The following POMT1 variants were observed in gnomAD, a reference collection of about 807,000 sequenced individuals.
POMT1 encodes protein O-mannosyl-transferase 1.
Under a neutral mutation model 101.6 loss-of-function variants are expected in POMT1, and 85 were observed. The observed-to-expected ratio is 0.84, with a 90% CI of 0.70 to 1.00. The LOEUF (loss-of-function observed/expected upper bound fraction) is 1.00, where lower values mean the gene tolerates loss of function less well. Among genes scored for constraint, POMT1 ranks in the 50% least tolerant of loss-of-function variants. The pLI is 0.00. For missense variants in POMT1, 857 were observed against 930.4 expected, an observed-to-expected ratio of 0.92 and a Z score of 1.03; for synonymous variants, 371 against 383.0, an observed-to-expected ratio of 0.97 and a Z score of 0.37.
rs375553161 is a variant in POMT1, at chr9:131,519,526, C to T, written c.1584+40C>T. 6.9e-5 allele frequency: 106 copies of T among 1,532,182 alleles called. No homozygotes were observed. The highest frequency in any genetic ancestry group is 8.7e-5 in the Non-Finnish European group (99 of 1,135,074). 94.9% of individuals were successfully genotyped at this position (1,532,182 alleles called of 1,614,324 possible). The stretch of plus-strand genomic sequence containing the variant: ...GGGGAAGCTGGCCTAGCTCGCTGAG[C>T]ATTGACTCCTCAGCAGGGAGGCCTG... On this transcript the variant is annotated intron_variant, in intron 16 of 19. Transcript: ENST00000402686. This position sits in a 1 kb window ranked among gnomAD's most constrained non-coding sequence, Gnocchi z 4.3.
chr9:131,513,178 T>C (rs1450080890), intron 11 of POMT1, 61 bp from the exon 12 acceptor site: 1 of 1,403,600 alleles, frequency 7.1e-7, no homozygotes, highest in Non-Finnish European at 1.0e-6. Flanking sequence ...GCCCCTCCGG[T>C]GCAGCTGTTA....
At chr9:131,513,200 C>A in intron 11 of POMT1, 39 bp from the exon 12 acceptor site, 7 of 1,568,530 alleles carry the variant, frequency 4.5e-6, no homozygotes, top group Non-Finnish European at 6.1e-6. Flanking sequence ...TTCGAGGGGA[C>A]CAGGCTCTGT....
Position 131,523,339 on chromosome 9 carries a change from G to A in POMT1, c.*233G>A. 1.8e-6 allele frequency: 1 copy of A among 558,998 alleles called. No individual in the cohort carries two copies. 34.6% of individuals were successfully genotyped at this position (558,998 alleles called of 1,614,324 possible). A position where few individuals can be genotyped will look rare whatever the true frequency, so the allele number is the denominator to read the frequency against. On this transcript the variant is annotated 3_prime_UTR_variant, in exon 20 of 20. Transcript: ENST00000402686. ...AAAGATATTCCGTGTCTTTACCCCTGAACTAAGACACAGGGAGTATTTCAG... is the reference window on the plus strand; with the variant it reads ...AAAGATATTCCGTGTCTTTACCCCTAAACTAAGACACAGGGAGTATTTCAG...
intron 4 of POMT1, 156 bp from the exon 5 acceptor site, chr9:131,507,212 T>C: frequency 2.0e-6 from 2 of 1,009,628 alleles, no homozygotes; most frequent in East Asian, 2.4e-5. Context: ...CCTTCACCCA[T>C]AGTTTATGCA....
In POMT1 at chr9:131,519,396, G is replaced by GC; in HGVS notation, c.1495dup (p.Gln499ProfsTer39). On this transcript the variant is annotated frameshift_variant, in exon 16 of 20. Transcript: ENST00000402686. LOFTEE classifies it high-confidence loss of function. This position sits in a 1 kb window ranked among gnomAD's most constrained non-coding sequence, Gnocchi z 4.3. Reference sequence around the variant, plus strand: ...CCTTGTCTGTTCTGCCAGGCCAGGAGCAGAGGGAGCGGGAACGGGAGCTGC... The same window carrying GC: ...CCTTGTCTGTTCTGCCAGGCCAGGAGCCAGAGGGAGCGGGAACGGGAGCTGC... The GC allele has an allele frequency of 6.4e-7, 1 of 1,551,860 alleles. No individual in the cohort carries two copies. The highest frequency in any genetic ancestry group is 1.2e-5 in the South Asian group (1 of 84,068).
intron 9 of POMT1, chr9:131,510,765 C>T (rs1019469102): frequency 1.1e-5 from 4 of 368,042 alleles, no homozygotes; most frequent in African/African-American, 2.1e-5. Context: ...CTCGGCCTCT[C>T]AAAGTGCTGG....
chr9:131,510,021 A>G, intron 8 of POMT1, 25 bp downstream of exon 8: 1 of 1,614,226 alleles, frequency 6.2e-7, no homozygotes, highest in South Asian at 1.1e-5. Context: ...CCAGTGCTGC[A>G]TGAGGCCGGC....
Position 131,504,333 on chromosome 9 carries a change from G to C in POMT1, c.115G>C (p.Ala39Pro), listed in dbSNP as rs1157222477. The stretch of plus-strand genomic sequence containing the variant: ...GCTGTGGCGACTCACCTACCCGCGG[G>C]CTGTGGTGTAAGCTAAATGACTCCA... ...SRLWRLTYPRAVVFDEVYYGQ... is the reference protein window; with the variant it reads ...SRLWRLTYPRPVVFDEVYYGQ... The change falls in exon 2 of 20, where the codon GCT (alanine) becomes CCT (proline). Residue 39 changes from alanine (A) to proline (P), a missense_variant. Transcript: ENST00000402686. 1 of 1,614,204 alleles carries C rather than the reference G, an allele frequency of 6.2e-7. No homozygotes were observed. Among genetic ancestry groups the C allele is most frequent in the African/African-American group, 1.3e-5 (1 of 75,036 alleles).
At chr9:131,510,196 A>G (rs1318233595) in intron 8 of POMT1, 64 bp from the exon 9 acceptor site, 2 of 1,612,184 alleles carry the variant, frequency 1.2e-6, no homozygotes, top group African/African-American at 2.7e-5. Context: ...TAAGCTCACA[A>G]TGTCTAGAGG....
Position 131,521,412 on chromosome 9 carries a change from G to C in POMT1, c.1765G>C (p.Ala589Pro), listed in dbSNP as rs747138675. 4.3e-6 allele frequency: 7 copies of C among 1,614,114 alleles called. No individual in the cohort carries two copies. The highest frequency in any genetic ancestry group is 5.9e-6 in the Non-Finnish European group (7 of 1,180,018). The change falls in exon 18 of 20, where the codon GCC becomes CCC. Residue 589 changes from alanine to proline, a missense_variant. Ala to Pro is a conservative substitution (Grantham distance 27). Transcript: ENST00000402686. Reference protein sequence around the residue: ...VSGSLALAIYALLSLWYLLRR... With the variant: ...VSGSLALAIYPLLSLWYLLRR... Reference sequence around the variant, plus strand: ...GGGCAGCCTCGCTCTGGCCATCTACGCCCTGCTGTCCTTGTGGTACCTGCT... The same window carrying C: ...GGGCAGCCTCGCTCTGGCCATCTACCCCCTGCTGTCCTTGTGGTACCTGCT...
rs974090008 is a variant in POMT1 at position 131,505,726 on chromosome 9, G to A, written c.123-388G>A. On this transcript the variant is annotated intron_variant, in intron 2 of 19. Transcript: ENST00000402686. ...CTTGCAGCCGTTTCATTGGGTCATC[G>A]CTAGCCACAGACATGTGCTGCTGGT... Among the ~76,000 whole-genome samples the A allele has an allele frequency of 7.4e-5, 10 of 135,436 alleles. No individual in the cohort carries two copies. In the South Asian group the frequency reaches 7.5e-4, roughly 10 times the overall value. 88.9% of individuals were successfully genotyped at this position (135,436 alleles called of 152,430 possible). A position where few individuals can be genotyped will look rare whatever the true frequency, so the allele number is the denominator to read the frequency against.
Position 131,522,807 on chromosome 9 carries a change from G to A in POMT1, c.2004-125G>A. 9.3e-7 allele frequency: 1 copy of A among 1,070,410 alleles called. No individual in the cohort carries two copies. The highest frequency in any genetic ancestry group is 1.4e-6 in the Non-Finnish European group (1 of 726,498). The allele number at this position is 1,070,410 out of a possible 1,614,324, so 66.3% of individuals were successfully genotyped here. Reference sequence around the variant, plus strand: ...CATGGGTGGCAGGAGACAAGACACAGAAACCTGAAGGCAGAACCCCAGGCC... The same window carrying A: ...CATGGGTGGCAGGAGACAAGACACAAAAACCTGAAGGCAGAACCCCAGGCC... On this transcript the variant is annotated intron_variant, in intron 19 of 19. Coordinates refer to ENST00000402686, the MANE Select transcript of POMT1 (RefSeq NM_001077365.2). The surrounding 1 kb of genome is among the most constrained non-coding windows in gnomAD (Gnocchi z 5.5).
At chr9:131,518,613 C>T in intron 14 of POMT1, 76 bp downstream of exon 14, 1 of 1,458,714 alleles carries the variant, frequency 6.9e-7, no homozygotes, top group Middle Eastern at 1.7e-4. Flanking sequence ...TCAGGCTTCA[C>T]CGCCTCTCTG....
At chr9:131,507,959 G>A (rs1377256388) in intron 5 of POMT1, among the ~76,000 whole-genome samples, 3 of 152,236 alleles carry the variant, frequency 2.0e-5, no homozygotes, top group African/African-American at 2.4e-5. Context: ...TAGGCTGGGC[G>A]CAGTGGCTCA....
rs1334646753 is a variant in POMT1 at position 131,518,912 on chromosome 9, C to T, written c.1441C>T (p.His481Tyr). ...CGGGGAGAAGCTGTCCCGGGGCTACCACGGGAGCACGGTGTGGAACGTGGA... is the reference window on the plus strand; with the variant it reads ...CGGGGAGAAGCTGTCCCGGGGCTACTACGGGAGCACGGTGTGGAACGTGGA... The part of the protein sequence containing the change: ...IVGEKLSRGY[H>Y]GSTVWNVEEH... Residue 481 changes from histidine (H) to tyrosine (Y), a missense_variant, in exon 15 of 20, where the codon CAC becomes TAC. By Grantham distance (83) the His-to-Tyr change is moderately conservative. Coordinates refer to ENST00000402686, the MANE Select transcript of POMT1 (RefSeq NM_001077365.2). The T allele has an allele frequency of 4.3e-6, 7 of 1,613,678 alleles. No individual in the cohort carries two copies. The highest frequency in any genetic ancestry group is 5.9e-6 in the Non-Finnish European group (7 of 1,180,042).
rs539273169 is a variant in POMT1, at chr9:131,515,720, G to T, written c.1272+198G>T. Among the ~76,000 whole-genome samples the T allele has an allele frequency of 4.3e-5, 6 of 141,124 alleles. No homozygotes were observed. The East Asian group carries it at 1.3e-3, about 30-fold the overall frequency. The allele number at this position is 141,124 out of a possible 152,430, so 92.6% of individuals were successfully genotyped here. On this transcript the variant is annotated intron_variant, in intron 13 of 19. Transcript: ENST00000402686. ...CTCACACGGAACACTTCCTCACACG[G>T]AGCACTTCCTGTAACAGGACACTTC... is the stretch of plus-strand genomic sequence containing the variant.
chr9:131,512,598 GCT>G (rs1480525127), intron 11 of POMT1, among the ~76,000 whole-genome samples: 1 of 152,036 alleles, frequency 6.6e-6, no homozygotes, highest in Non-Finnish European at 1.5e-5. Context: ...GCCCGAGTGG[GCT>G]TTTTCTTTTT....
chr9:131,513,504 G>A (rs1281275050), intron 12 of POMT1, among the ~76,000 whole-genome samples, 173 bp downstream of exon 12: 4 of 152,198 alleles, frequency 2.6e-5, no homozygotes, highest in South Asian at 2.1e-4. Context: ...AGGCCTGGCC[G>A]CGGAAGGGAG....
rs1486062943 is a variant in POMT1, at chr9:131,519,528, T to C, written c.1584+42T>C. 6 of 1,531,452 alleles carry C rather than the reference T, an allele frequency of 3.9e-6. No homozygotes were observed. Among genetic ancestry groups the C allele is most frequent in the Non-Finnish European group, 5.3e-6 (6 of 1,134,546 alleles). 94.9% of individuals were successfully genotyped at this position (1,531,452 alleles called of 1,614,324 possible). A position where few individuals can be genotyped will look rare whatever the true frequency, so the allele number is the denominator to read the frequency against. The stretch of plus-strand genomic sequence containing the variant: ...GGAAGCTGGCCTAGCTCGCTGAGCA[T>C]TGACTCCTCAGCAGGGAGGCCTGGG... On this transcript the variant is annotated intron_variant, in intron 16 of 19. Coordinates refer to ENST00000402686, the MANE Select transcript of POMT1 (RefSeq NM_001077365.2). This position sits in a 1 kb window ranked among gnomAD's most constrained non-coding sequence, Gnocchi z 4.3.
Sources: gnomAD v4.1 joint callset for allele counts (sites outside exome capture counted in the v4.1 genomes callset) on GRCh38, gnomAD v4.1.1 for gene constraint, Gnocchi (gnomAD v3.1) non-coding constraint, MANE v1.5 for transcripts, NCBI Gene and HGNC (gene_info 2026-07-23, HGNC 2026-07-21) for gene names.